The following CNTNAP2 variants were observed in gnomAD, a reference collection of about 807,000 sequenced individuals.
CNTNAP2 encodes contactin-associated protein-like 2.
In CNTNAP2, 98 loss-of-function variants were observed where a neutral mutation model predicts 155.2. The ratio of observed to expected loss-of-function variants is 0.63; its 90% CI spans 0.54 to 0.75. CNTNAP2 has a LOEUF of 0.75. Among genes scored for constraint, CNTNAP2 ranks in the 30% least tolerant of loss-of-function variants. CNTNAP2 has a pLI of 0.00. For synonymous variants in CNTNAP2, 651 were observed against 631.2 expected, an observed-to-expected ratio of 1.03 and a Z score of -0.47; for missense variants, 1,727 against 1,688.1, an observed-to-expected ratio of 1.02 and a Z score of -0.40.
chr7:147,274,863 ATG>A (rs1283426313), intron 8 of CNTNAP2, among the ~76,000 whole-genome samples: 2 of 152,042 alleles, frequency 1.3e-5, no homozygotes, highest in Non-Finnish European at 2.9e-5. Context: ...AGTGAGAGGT[ATG>A]AGTCCAGTTT....
At chr7:147,169,948 T>C (rs879935586) in intron 8 of CNTNAP2, among the ~76,000 whole-genome samples, 6 of 152,130 alleles carry the variant, frequency 3.9e-5, no homozygotes, top group Non-Finnish European at 5.9e-5. Context: ...ATTTTATTAA[T>C]AGTTATTTAA....
chr7:147,652,215 C>T (rs899115714), intron 13 of CNTNAP2, among the ~76,000 whole-genome samples: 2 of 152,168 alleles, frequency 1.3e-5, no homozygotes, highest in African/African-American at 4.8e-5. Flanking sequence ...TTTACCAACA[C>T]CAGTGGCTGG....
intron 5 of CNTNAP2, among the ~76,000 whole-genome samples, chr7:147,112,278 A>G (rs960843511): frequency 1.3e-5 from 2 of 152,180 alleles, no homozygotes; most frequent in Admixed American, 6.5e-5. Context: ...TTTTGGGCTG[A>G]GATGATGAGG....
At chr7:147,321,648 C>A (rs1795354896) in intron 9 of CNTNAP2, among the ~76,000 whole-genome samples, 2 of 152,166 alleles carry the variant, frequency 1.3e-5, no homozygotes, top group African/African-American at 4.8e-5. Flanking sequence ...TGCGCAAGAG[C>A]ACTTGAGTCT....
At chr7:146,368,065 A>G (rs1465594131) in intron 1 of CNTNAP2, among the ~76,000 whole-genome samples, 3 of 152,018 alleles carry the variant, frequency 2.0e-5, no homozygotes, top group Non-Finnish European at 4.4e-5. Context: ...AGGTACATCT[A>G]TATTAGATAT....
At chr7:148,251,067 C>T (rs937736856) in intron 20 of CNTNAP2, among the ~76,000 whole-genome samples, 1 of 152,120 alleles carries the variant, frequency 6.6e-6, no homozygotes, top group African/African-American at 2.4e-5. Context: ...GCAAAGACTT[C>T]TAGAACCAAC....
At chr7:146,189,480 T>C (rs916553919) in intron 1 of CNTNAP2, among the ~76,000 whole-genome samples, 1 of 152,158 alleles carries the variant, frequency 6.6e-6, no homozygotes, top group Non-Finnish European at 1.5e-5. Context: ...CACTTATAGA[T>C]TATTTAGTGG....
intron 11 of CNTNAP2, among the ~76,000 whole-genome samples, chr7:147,545,120 A>G (rs1799707757): frequency 6.6e-6 from 1 of 152,188 alleles, no homozygotes; most frequent in Non-Finnish European, 1.5e-5. Flanking sequence ...AATATAAGTC[A>G]AACTGAATTT....
chr7:146,658,428 A>G (rs1324302182), intron 1 of CNTNAP2, among the ~76,000 whole-genome samples: 2 of 151,886 alleles, frequency 1.3e-5, no homozygotes, highest in African/African-American at 4.8e-5. Context: ...AAAGCAGAGT[A>G]TTCAGCTAAA....
intron 1 of CNTNAP2, among the ~76,000 whole-genome samples, chr7:146,524,411 A>G (rs569001768): frequency 6.6e-6 from 1 of 152,180 alleles, no homozygotes; most frequent in Non-Finnish European, 1.5e-5. Flanking sequence ...CTTGTGTGAT[A>G]GTAGCATAGT....
chr7:147,954,703 T>G (rs1446756773), intron 14 of CNTNAP2, among the ~76,000 whole-genome samples: 1 of 152,216 alleles, frequency 6.6e-6, no homozygotes, highest in Admixed American at 6.5e-5. Flanking sequence ...ATTAACTCTC[T>G]TAGAAACAAT....
intron 2 of CNTNAP2, among the ~76,000 whole-genome samples, chr7:146,796,453 C>A (rs1041470453): frequency 2.6e-5 from 4 of 152,034 alleles, no homozygotes; most frequent in South Asian, 2.1e-4. Context: ...CATCTTGATG[C>A]GGAAACTGAA....
intron 13 of CNTNAP2, among the ~76,000 whole-genome samples, chr7:147,683,783 C>G (rs1795982421): frequency 6.9e-6 from 1 of 145,822 alleles, no homozygotes; most frequent in African/African-American, 2.5e-5. Flanking sequence ...CAGAATCCGT[C>G]AATATCCTGT....
At chr7:146,991,941 G>A (rs1439432647) in intron 3 of CNTNAP2, among the ~76,000 whole-genome samples, 1 of 152,128 alleles carries the variant, frequency 6.6e-6, no homozygotes, top group Admixed American at 6.6e-5. Context: ...GTTACTGCTT[G>A]AATGATGATA....
At chr7:147,918,697 C>T (rs542488154) in intron 14 of CNTNAP2, among the ~76,000 whole-genome samples, 25 of 152,158 alleles carry the variant, frequency 1.6e-4, no homozygotes, top group African/African-American at 5.5e-4. Flanking sequence ...AAAAAACAAA[C>T]AGAAAAACTA....
At chr7:146,700,086 C>A (rs1484219296) in intron 1 of CNTNAP2, among the ~76,000 whole-genome samples, 1 of 152,176 alleles carries the variant, frequency 6.6e-6, no homozygotes, top group Admixed American at 6.6e-5. Context: ...ACTTGGTAGA[C>A]CTCTTGGATG....
At chr7:146,385,747 GT>G (rs1326892606) in intron 1 of CNTNAP2, among the ~76,000 whole-genome samples, 1 of 152,180 alleles carries the variant, frequency 6.6e-6, no homozygotes, top group Non-Finnish European at 1.5e-5. Context: ...TAATATCAGA[GT>G]TGAAATAGTT....
intron 3 of CNTNAP2, among the ~76,000 whole-genome samples, chr7:146,967,974 A>C (rs183549379): frequency 0.13 from 16,173 of 122,836 alleles, 1,434 homozygotes; most frequent in Non-Finnish European, 0.2. Flanking sequence ...ATTATTTTGA[A>C]ATACGTCCCA....
At chr7:147,314,210 G>A (rs1209379158) in intron 9 of CNTNAP2, among the ~76,000 whole-genome samples, 1 of 152,096 alleles carries the variant, frequency 6.6e-6, no homozygotes, top group Non-Finnish European at 1.5e-5. Flanking sequence ...AATTTGAAGT[G>A]TTTTTGGGGA....
Sources: allele counts gnomAD v4.1 joint callset (sites outside exome capture counted in the v4.1 genomes callset), GRCh38; gene constraint gnomAD v4.1.1; transcripts MANE v1.5; gene names NCBI Gene and HGNC (gene_info 2026-07-23, HGNC 2026-07-21).